The following INTS3 variants were observed in gnomAD, a reference collection of about 807,000 sequenced individuals.
INTS3 encodes the protein integrator complex subunit 3.
INTS3 carries 34 observed loss-of-function variants against 146.3 expected under a neutral mutation model. The observed-to-expected ratio is 0.23, with a 90% CI of 0.18 to 0.31. The LOEUF (loss-of-function observed/expected upper bound fraction) is 0.31. Among genes scored for constraint, INTS3 ranks in the 10% least tolerant of loss-of-function variants. INTS3 has a pLI of 1.00. For missense variants in INTS3, 757 were observed against 1,304.2 expected, an observed-to-expected ratio of 0.58 and a Z score of 6.46; for synonymous variants, 475 against 494.9, an observed-to-expected ratio of 0.96 and a Z score of 0.53.
chr1:153,762,742 C>T lies in INTS3; in HGVS notation c.1531C>T (p.Pro511Ser). ...SPPVEVKIEE[P>S]VSMEMDNHMS... Reference sequence around the variant, plus strand: ...TTACTCCCAAGTCAAAATTGAGGAGCCAGTTTCCATGGAGATGGACAACCA... The same window carrying T: ...TTACTCCCAAGTCAAAATTGAGGAGTCAGTTTCCATGGAGATGGACAACCA... Residue 511 changes from proline to serine, a missense_variant, in exon 15 of 30, where the codon CCA becomes TCA. Pro to Ser is a moderately conservative substitution (Grantham distance 74, BLOSUM62 -1). This residue lies in a region of INTS3 where 97 missense variants were observed against 113.6 expected (regional missense o/e 0.85). Transcript: ENST00000318967. 4 of 1,614,160 alleles carry T rather than the reference C, an allele frequency of 2.5e-6. No individual in the cohort carries two copies. The South Asian group carries it at 4.4e-5, about 18-fold the overall frequency.
At chr1:153,752,115 G>A (rs1671980317) in intron 7 of INTS3, 164 bp from the exon 8 acceptor site, 3 of 740,970 alleles carry the variant, frequency 4.0e-6, no homozygotes, top group Non-Finnish European at 6.9e-6. Context: ...CTCTTCCCCT[G>A]AACAGCTAGG....
Position 153,769,888 on chromosome 1 carries a change from C to T in INTS3, c.2389+44C>T, listed in dbSNP as rs1407732144. On this transcript the variant is annotated intron_variant, in intron 23 of 29. Coordinates refer to ENST00000318967, the MANE Select transcript of INTS3 (RefSeq NM_023015.5). Reference sequence around the variant, plus strand: ...AGGTGCCTGGGAGAGGAGAGGAGGGCAGGGTGTCAGTCCTGTGTATTTTAC... The same window carrying T: ...AGGTGCCTGGGAGAGGAGAGGAGGGTAGGGTGTCAGTCCTGTGTATTTTAC... 4 of 1,311,862 alleles carry T rather than the reference C, an allele frequency of 3.0e-6. No homozygotes were observed. Among genetic ancestry groups the T allele is most frequent in the South Asian group, 1.2e-5 (1 of 84,826 alleles). The allele number at this position is 1,311,862 out of a possible 1,614,324, so 81.3% of individuals were successfully genotyped here. A position where few individuals can be genotyped will look rare whatever the true frequency, so the allele number is the denominator to read the frequency against.
At chr1:153,770,852 C>T (rs1226426419) in intron 25 of INTS3, 119 bp downstream of exon 25, 9 of 771,112 alleles carry the variant, frequency 1.2e-5, no homozygotes, top group African/African-American at 8.6e-5. Flanking sequence ...TTAACATCTG[C>T]TTATTCTGCC....
chr1:153,752,057 A>C, intron 7 of INTS3: 1 of 547,870 alleles, frequency 1.8e-6, no homozygotes, highest in Non-Finnish European at 3.2e-6. Context: ...GGGCTTCAGC[A>C]CTTCCCACTA....
intron 8 of INTS3, 30 bp from the exon 9 acceptor site, chr1:153,754,612 C>A (rs773050413): frequency 6.8e-7 from 1 of 1,479,510 alleles, no homozygotes; most frequent in Non-Finnish European, 9.5e-7. Flanking sequence ...TAGGCTTCCT[C>A]TTTTCTCTTC....
intron 1 of INTS3, 99 bp from the exon 2 acceptor site, chr1:153,740,552 G>A (rs1671488774): frequency 2.4e-6 from 2 of 842,346 alleles, no homozygotes; most frequent in Non-Finnish European, 4.1e-6. Flanking sequence ...CTAGATCAAT[G>A]GGCATGATCA....
At chr1:153,760,583 C>A in intron 12 of INTS3, 193 bp downstream of exon 12, 1 of 626,386 alleles carries the variant, frequency 1.6e-6, no homozygotes, top group Non-Finnish European at 2.8e-6. Context: ...TTCCCATTTT[C>A]TGTGGGGTTT....
chr1:153,747,174 T>C, intron 4 of INTS3, 104 bp downstream of exon 4: 2 of 1,245,200 alleles, frequency 1.6e-6, no homozygotes, highest in Non-Finnish European at 2.4e-6. Flanking sequence ...ACCCCTATCA[T>C]TGTGTGTCTA....
chr1:153,772,747 T>G lies in INTS3; in HGVS notation c.2894+36T>G. 4 of 1,608,626 alleles carry G rather than the reference T, an allele frequency of 2.5e-6. No individual in the cohort carries two copies. Among genetic ancestry groups the G allele is most frequent in the Non-Finnish European group, 3.4e-6 (4 of 1,177,114 alleles). On this transcript the variant is annotated intron_variant, in intron 28 of 29. Coordinates refer to ENST00000318967, the MANE Select transcript of INTS3 (RefSeq NM_023015.5). The surrounding 1 kb of genome is among the most constrained non-coding windows in gnomAD (Gnocchi z 4.6). ...TGCCACTTTGGGCCTTGGAAAGTAG[T>G]AGGGGAAAAGCCTAAGGGAGAGGAA...
At chr1:153,735,787 A>G (rs1428814246) in intron 1 of INTS3, among the ~76,000 whole-genome samples, 1 of 152,152 alleles carries the variant, frequency 6.6e-6, no homozygotes, top group Non-Finnish European at 1.5e-5. Context: ...CAGTGGTGCA[A>G]TCACGGTTTA....
intron 15 of INTS3, 133 bp downstream of exon 15, chr1:153,762,980 A>AT (rs1672441344): frequency 8.1e-7 from 1 of 1,228,858 alleles, no homozygotes; most frequent in Admixed American, 2.2e-5. Flanking sequence ...GGGTATCTGG[A>AT]TGAGACTCCA....
At chr1:153,741,151 AATC>A (rs1345410345) in intron 2 of INTS3, 131 bp from the exon 3 acceptor site, 7 of 732,656 alleles carry the variant, frequency 9.6e-6, no homozygotes, top group Admixed American at 2.2e-5. Context: ...AAGAGAAGGA[AATC>A]ATCAGATTTA....
At chr1:153,770,577 A>G (rs1558010683) in intron 24 of INTS3, 108 bp from the exon 25 acceptor site, 15 of 948,328 alleles carry the variant, frequency 1.6e-5, no homozygotes, top group Non-Finnish European at 2.5e-5. Context: ...CTCCTCATCA[A>G]AGACTGTCCT....
At chr1:153,762,226 A>G (rs1055842118) in intron 14 of INTS3, among the ~76,000 whole-genome samples, 1 of 152,222 alleles carries the variant, frequency 6.6e-6, no homozygotes, top group Non-Finnish European at 1.5e-5. Context: ...AGGCGGGTGG[A>G]TCACTTGAGG....
At position 153,772,438 on chromosome 1, in the gene INTS3, A is replaced by G. The variant is rs1558012477; in HGVS notation, c.2819A>G (p.Asn940Ser). 6.2e-7 allele frequency: 1 copy of G among 1,614,048 alleles called. No individual in the cohort carries two copies. The highest frequency in any genetic ancestry group is 8.5e-7 in the Non-Finnish European group (1 of 1,180,040). ...CTCAACCTGACCAACACCAAGCAGA[A>G]CTGTATGCCTTCCACCCTCGGCGTC... ...LRLNLTNTKQ[N>S]FFSQTPILQA... The change falls in exon 27 of 30, where the codon AAC becomes AGC. Residue 940 changes from asparagine (N) to serine (S), a missense_variant and splice_region_variant. By Grantham distance (46) the Asn-to-Ser change is conservative. Coordinates refer to ENST00000318967, the MANE Select transcript of INTS3 (RefSeq NM_023015.5). This position sits in a 1 kb window ranked among gnomAD's most constrained non-coding sequence, Gnocchi z 4.6.
chr1:153,728,558 G>C lies in INTS3; in HGVS notation c.-77G>C. 1 of 1,498,584 alleles carries C rather than the reference G, an allele frequency of 6.7e-7. No individual in the cohort carries two copies. The highest frequency in any genetic ancestry group is 8.9e-7 in the Non-Finnish European group (1 of 1,125,546). 92.8% of individuals were successfully genotyped at this position (1,498,584 alleles called of 1,614,324 possible). On this transcript the variant is annotated 5_prime_UTR_variant, in exon 1 of 30. Coordinates refer to ENST00000318967, the MANE Select transcript of INTS3 (RefSeq NM_023015.5). ...TTGTTCCTCTTGCCCCCCAGTCCCTGGCAATCCAGAGATCCCGATATCTAG... is the reference window on the plus strand; with the variant it reads ...TTGTTCCTCTTGCCCCCCAGTCCCTCGCAATCCAGAGATCCCGATATCTAG...
intron 16 of INTS3, among the ~76,000 whole-genome samples, 170 bp from the exon 17 acceptor site, chr1:153,763,662 A>C (rs777492899): frequency 3.3e-5 from 5 of 152,206 alleles, no homozygotes; most frequent in Non-Finnish European, 5.9e-5. Context: ...CTCTGCCCAG[A>C]GAGCAGCCAA....
chr1:153,732,210 C>T (rs1487902585), intron 1 of INTS3, among the ~76,000 whole-genome samples: 2 of 151,882 alleles, frequency 1.3e-5, no homozygotes, highest in Non-Finnish European at 2.9e-5. Flanking sequence ...GCCAGAGCTT[C>T]CTCTTAAGCG....
chr1:153,757,529 A>G lies in INTS3; in HGVS notation c.958-43A>G, dbSNP rs374781507. On this transcript the variant is annotated intron_variant, in intron 9 of 29. Coordinates refer to ENST00000318967, the MANE Select transcript of INTS3 (RefSeq NM_023015.5). This position sits in a 1 kb window ranked among gnomAD's most constrained non-coding sequence, Gnocchi z 4.0. ...TCGTTTTCCTCTGGCCAAGGACCCC[A>G]CACTGTCTTCTAAGGTCTTTTTCTT... is the stretch of plus-strand genomic sequence containing the variant. The G allele has an allele frequency of 1.3e-6, 2 of 1,584,590 alleles. No individual in the cohort carries two copies. Among genetic ancestry groups the G allele is most frequent in the Non-Finnish European group, 1.7e-6 (2 of 1,156,210 alleles).
Sources: allele counts gnomAD v4.1 joint callset (sites outside exome capture counted in the v4.1 genomes callset), GRCh38; gene constraint gnomAD v4.1.1; regional missense constraint gnomAD v4.1.1; non-coding constraint Gnocchi (gnomAD v3.1); transcripts MANE v1.5; gene names NCBI Gene and HGNC (gene_info 2026-07-23, HGNC 2026-07-21).